FGF23: variants seen among roughly 807,000 people sequenced by gnomAD.
The protein encoded by FGF23 is fibroblast growth factor 23, also known as phosphatonin.
FGF23 carries 8 observed loss-of-function variants against 9.0 expected under a neutral mutation model. That is an observed-to-expected ratio of 0.89 (90% CI 0.52 to 1.60). The LOEUF (loss-of-function observed/expected upper bound fraction) is 1.60. Among genes scored for constraint, FGF23 ranks in the 40% most tolerant of loss-of-function variants. FGF23 has a pLI of 0.00. For missense variants in FGF23, 311 were observed against 344.3 expected, an observed-to-expected ratio of 0.90 and a Z score of 0.77; for synonymous variants, 118 against 146.2, an observed-to-expected ratio of 0.81 and a Z score of 1.39.
intron 1 of FGF23, among the ~76,000 whole-genome samples, chr12:4,376,739 G>A (rs1156984545): frequency 6.6e-6 from 1 of 152,058 alleles, no homozygotes; most frequent in Non-Finnish European, 1.5e-5. Context: ...GACTGGTCTC[G>A]AACCCCTGAC....
At chr12:4,377,087 G>A (rs1865124327) in intron 1 of FGF23, among the ~76,000 whole-genome samples, 1 of 152,112 alleles carries the variant, frequency 6.6e-6, no homozygotes, top group African/African-American at 2.4e-5. Context: ...AATTTATTTT[G>A]CTGCTTCTCA....
At chr12:4,377,607 T>C (rs1027600990) in intron 1 of FGF23, among the ~76,000 whole-genome samples, 1 of 143,100 alleles carries the variant, frequency 7.0e-6, no homozygotes, top group South Asian at 2.5e-4. Flanking sequence ...ATTTTTTGTA[T>C]TTTTAGTAGA....
chr12:4,373,614 G>A (rs1865086148), intron 1 of FGF23, among the ~76,000 whole-genome samples: 1 of 152,038 alleles, frequency 6.6e-6, no homozygotes. Flanking sequence ...CTCCGACAAG[G>A]GCCTGAAACC....
chr12:4,372,800 T>C lies in FGF23; in HGVS notation c.212-103A>G, dbSNP rs13312787. The C allele has an allele frequency of 0.027, 21,526 of 794,584 alleles. 603 individuals carry two copies. Among genetic ancestry groups the C allele is most frequent in the African/African-American group, 0.11 (6,713 of 59,530 alleles). The allele number at this position is 794,584 out of a possible 1,614,324, so 49.2% of individuals were successfully genotyped here. ...TCATGAAACCTCCCTGGATTGATTT[T>C]AAGGGTGGTGATAACTTCAGCACTC... On this transcript the variant is annotated intron_variant, in intron 1 of 2. Transcript: ENST00000237837.
At chr12:4,371,800 G>A (rs568691447) in intron 2 of FGF23, among the ~76,000 whole-genome samples, 3 of 152,254 alleles carry the variant, frequency 2.0e-5, no homozygotes, top group East Asian at 3.9e-4. Flanking sequence ...GCTAGTCCCA[G>A]AATCAAGAAG....
chr12:4,372,542 G>C, intron 2 of FGF23, 52 bp downstream of exon 2: 3 of 1,142,072 alleles, frequency 2.6e-6, no homozygotes, highest in Non-Finnish European at 4.0e-6. Flanking sequence ...TCGTGTCAAA[G>C]AAATTAGGTT....
Position 4,370,183 on chromosome 12 carries a change from G to T in FGF23, c.*160C>A, listed in dbSNP as rs769220518. The T allele has an allele frequency of 5.9e-6, 4 of 680,208 alleles. No homozygotes were observed. Among genetic ancestry groups the T allele is most frequent in the Non-Finnish European group, 1.0e-5 (4 of 390,124 alleles). The allele number at this position is 680,208 out of a possible 1,614,324, so 42.1% of individuals were successfully genotyped here. On this transcript the variant is annotated 3_prime_UTR_variant, in exon 3 of 3. Transcript: ENST00000237837. ...CCCCATGACTTGGGCCTCAAAGGTT[G>T]GTTCTCACAGGACCTCCTGTGGAAG... is the stretch of plus-strand genomic sequence containing the variant.
rs1026264434 is a variant in FGF23 at position 4,368,881 on chromosome 12, T to G, written c.*1462A>C. On this transcript the variant is annotated 3_prime_UTR_variant, in exon 3 of 3. Coordinates refer to ENST00000237837, the MANE Select transcript of FGF23 (RefSeq NM_020638.3). Reference sequence around the variant, plus strand: ...TCAGGTAAAAACAGTTGCCCAACATTTCTCTCATAACCAAAAAGAATAGAT... The same window carrying G: ...TCAGGTAAAAACAGTTGCCCAACATGTCTCTCATAACCAAAAAGAATAGAT... The G allele has an allele frequency of 1.8e-5, 4 of 220,412 alleles. No homozygotes were observed. The highest frequency in any genetic ancestry group is 4.5e-5 in the African/African-American group (2 of 44,620). The allele number at this position is 220,412 out of a possible 1,614,324, so 13.7% of individuals were successfully genotyped here.
At chr12:4,377,621 G>A (rs1167077240) in intron 1 of FGF23, among the ~76,000 whole-genome samples, 1 of 144,578 alleles carries the variant, frequency 6.9e-6, no homozygotes, top group Non-Finnish European at 1.5e-5. Flanking sequence ...TAGTAGAGAT[G>A]GGGTTTCACT....
chr12:4,378,409 C>T (rs940347003), intron 1 of FGF23, among the ~76,000 whole-genome samples: 2 of 152,010 alleles, frequency 1.3e-5, no homozygotes, highest in African/African-American at 4.8e-5. Flanking sequence ...GAGGTGTTTT[C>T]TCACGTTTTC....
In FGF23 at chr12:4,370,791, G is replaced by C; in HGVS notation, c.316-8C>G. The C allele has an allele frequency of 6.2e-7, 1 of 1,613,564 alleles. No individual in the cohort carries two copies. The highest frequency in any genetic ancestry group is 1.3e-5 in the African/African-American group (1 of 75,046). ...CTCCGGGTCGAAATAGTGCTGGAAG[G>C]ACAAGAGCGAACCACGTGAAGGCTG... On this transcript the variant is annotated splice_polypyrimidine_tract_variant and splice_region_variant and intron_variant, in intron 2 of 2. Transcript: ENST00000237837.
chr12:4,370,435 C>T lies in FGF23; in HGVS notation c.664G>A (p.Asp222Asn). Residue 222 changes from aspartate to asparagine, a missense_variant, in exon 3 of 3, where the codon GAC (aspartate) becomes AAC (asparagine). By Grantham distance (23) the Asp-to-Asn change is conservative. This residue lies in a region of FGF23 where 206 missense variants were observed against 219.2 expected (regional missense o/e 0.94). Transcript: ENST00000237837. ...CCGCCCCTGACCACCCCTAATGGGT[C>T]ACTGGCCATCGGGCTGTTGTCCTCG... ...SAEDNSPMAS[D>N]PLGVVRGGRV... is the part of the protein sequence containing the mutation. The T allele has an allele frequency of 6.2e-7, 1 of 1,613,708 alleles. No individual in the cohort carries two copies. Among genetic ancestry groups the T allele is most frequent in the Non-Finnish European group, 8.5e-7 (1 of 1,179,886 alleles).
In FGF23 at chr12:4,372,587, A is replaced by T; in HGVS notation, c.315+7T>A. 1 of 1,559,378 alleles carries T rather than the reference A, an allele frequency of 6.4e-7. No individual in the cohort carries two copies. Among genetic ancestry groups the T allele is most frequent in the Non-Finnish European group, 8.8e-7 (1 of 1,130,176 alleles). ...CAAATGGTGACCAACACAAAAAAGA[A>T]ACTCACTGATCCAAAAATGTTGCCT... On this transcript the variant is annotated splice_region_variant and intron_variant, in intron 2 of 2. Transcript: ENST00000237837.
intron 2 of FGF23, 44 bp from the exon 3 acceptor site, chr12:4,370,827 C>T (rs1201868336): frequency 6.5e-7 from 1 of 1,532,986 alleles, no homozygotes; most frequent in Admixed American, 1.7e-5. Context: ...GCAGTGGGGG[C>T]CCCACCCACT....
chr12:4,376,872 T>C (rs529970816), intron 1 of FGF23, among the ~76,000 whole-genome samples: 14 of 152,216 alleles, frequency 9.2e-5, no homozygotes, highest in South Asian at 2.1e-4. Context: ...ACTTTTTTTT[T>C]CCCATAATAC....
rs1865056098 is a variant in FGF23, at chr12:4,370,767, T to C, written c.332A>G (p.Glu111Gly). Residue 111 changes from glutamate to glycine, a missense_variant, in exon 3 of 3, where the codon GAG (glutamate) becomes GGG (glycine). Coordinates refer to ENST00000237837, the MANE Select transcript of FGF23 (RefSeq NM_020638.3). ...NIFGSHYFDP[E>G]NCRFQHQTLE... ...CGTCTGGTGTTGGAACCTGCAGTTC[T>C]CCGGGTCGAAATAGTGCTGGAAGGA... The C allele has an allele frequency of 6.2e-7, 1 of 1,614,012 alleles. No homozygotes were observed. The highest frequency in any genetic ancestry group is 8.5e-7 in the Non-Finnish European group (1 of 1,179,992).
chr12:4,378,751 T>C (rs1035905363), intron 1 of FGF23, among the ~76,000 whole-genome samples: 3 of 151,932 alleles, frequency 2.0e-5, no homozygotes, highest in East Asian at 3.9e-4. Context: ...GATGGATGGA[T>C]GGATGGATGG....
chr12:4,379,272 G>C, intron 1 of FGF23, 100 bp downstream of exon 1: 1 of 993,792 alleles, frequency 1.0e-6, no homozygotes, highest in Non-Finnish European at 1.6e-6. Flanking sequence ...AAGCTAGGAG[G>C]GTTGGATTAG....
chr12:4,372,344 G>T (rs769809856), intron 2 of FGF23, among the ~76,000 whole-genome samples: 4 of 151,970 alleles, frequency 2.6e-5, no homozygotes, highest in South Asian at 2.1e-4. Flanking sequence ...AAAAAAAGTG[G>T]GTTCCAATGG....
Sources: gnomAD v4.1 joint callset for allele counts (sites outside exome capture counted in the v4.1 genomes callset) on GRCh38, gnomAD v4.1.1 for gene constraint, gnomAD v4.1.1 regional missense constraint, MANE v1.5 for transcripts, NCBI Gene and HGNC (gene_info 2026-07-23, HGNC 2026-07-21) for gene names.